Variants in LDLRAD3 observed in about 807,000 individuals in gnomAD.
The protein encoded by LDLRAD3 is low-density lipoprotein receptor class A domain-containing protein 3.
Under a neutral mutation model 29.4 loss-of-function variants are expected in LDLRAD3, and 20 were observed. That is an observed-to-expected ratio of 0.68 (90% CI 0.48 to 0.99). The LOEUF is 0.99. Among genes scored for constraint, LDLRAD3 ranks in the 50% least tolerant of loss-of-function variants. The pLI is 0.00. For missense variants in LDLRAD3, 420 were observed against 454.3 expected, an observed-to-expected ratio of 0.92 and a Z score of 0.69; for synonymous variants, 157 against 192.7, an observed-to-expected ratio of 0.81 and a Z score of 1.53.
intron 1 of LDLRAD3, among the ~76,000 whole-genome samples, chr11:35,987,788 A>C (rs994670847): frequency 1.1e-4 from 17 of 152,132 alleles, no homozygotes; most frequent in African/African-American, 4.1e-4. Context: ...TGGTAATGAG[A>C]TTGCTGGGTC....
At chr11:36,208,362 C>T (rs924523207) in intron 4 of LDLRAD3, among the ~76,000 whole-genome samples, 5 of 152,304 alleles carry the variant, frequency 3.3e-5, no homozygotes, top group East Asian at 1.9e-4. Context: ...GATCAAGGCG[C>T]GAGCAGGTTC....
rs1248449766 is a variant in LDLRAD3 at position 35,944,602 on chromosome 11, G to A, written c.46+458G>A. On this transcript the variant is annotated intron_variant, in intron 1 of 5. Coordinates refer to ENST00000315571, the MANE Select transcript of LDLRAD3 (RefSeq NM_174902.4). The surrounding 1 kb of genome is among the most constrained non-coding windows in gnomAD (Gnocchi z 4.9). The stretch of plus-strand genomic sequence containing the variant: ...CTGGGCCTCTTCCCGAGTCTCTGGC[G>A]TGCACTCCGTGCCTCAGTTTCCCCA... Among the ~76,000 whole-genome samples the A allele has an allele frequency of 1.3e-5, 2 of 152,110 alleles. No individual in the cohort carries two copies. Among genetic ancestry groups the A allele is most frequent in the African/African-American group, 2.4e-5 (1 of 41,434 alleles).
At chr11:36,154,830 C>A (rs1205552297) in intron 4 of LDLRAD3, among the ~76,000 whole-genome samples, 1 of 152,192 alleles carries the variant, frequency 6.6e-6, no homozygotes, top group Non-Finnish European at 1.5e-5. Flanking sequence ...CATGGACAAA[C>A]CAACCACCAG....
At chr11:36,184,256 T>C (rs12271981) in intron 4 of LDLRAD3, 7,337 of 153,560 alleles carry the variant, frequency 0.048, 576 homozygotes, top group African/African-American at 0.16. Flanking sequence ...TGAGCCACTG[T>C]GTCCAGTCTT....
chr11:36,200,781 C>G (rs1855116289), intron 4 of LDLRAD3, among the ~76,000 whole-genome samples: 1 of 152,168 alleles, frequency 6.6e-6, no homozygotes, highest in South Asian at 2.1e-4. Context: ...AGTAAGTGTT[C>G]TTCTATCAAT....
intron 4 of LDLRAD3, among the ~76,000 whole-genome samples, chr11:36,160,708 T>C (rs1435270258): frequency 6.6e-6 from 1 of 151,812 alleles, no homozygotes; most frequent in Non-Finnish European, 1.5e-5. Flanking sequence ...TATTTTCACA[T>C]AGAAGAAATC....
intron 4 of LDLRAD3, among the ~76,000 whole-genome samples, chr11:36,153,113 G>T (rs558085479): frequency 6.6e-6 from 1 of 152,012 alleles, no homozygotes. Context: ...CAACAAAGGG[G>T]TTAGTAACAC....
At chr11:36,014,658 G>A (rs1050172250) in intron 1 of LDLRAD3, among the ~76,000 whole-genome samples, 1 of 152,138 alleles carries the variant, frequency 6.6e-6, no homozygotes, top group African/African-American at 2.4e-5. Context: ...TCTGGGCAGT[G>A]GTGATGACAG....
intron 1 of LDLRAD3, among the ~76,000 whole-genome samples, chr11:35,959,003 T>C (rs1851242600): frequency 6.6e-6 from 1 of 152,154 alleles, no homozygotes; most frequent in Non-Finnish European, 1.5e-5. Flanking sequence ...GCCTCCAGGC[T>C]CCCAGGCCTT....
At position 36,091,505 on chromosome 11, in the gene LDLRAD3, C is replaced by CAG. The variant is rs550491473; in HGVS notation, c.320-6812_320-6811dup. Among the ~76,000 whole-genome samples, 7 of 152,162 alleles carry CAG rather than the reference C, an allele frequency of 4.6e-5. No homozygotes were observed. The East Asian group carries it at 7.7e-4, about 17-fold the overall frequency. ...TGCCTCCCTCCCTCCCTCCCTCTGC[C>CAG]AGAGAGAGAGACAAGTTCTTTTTCC... On this transcript the variant is annotated intron_variant, in intron 3 of 5. Coordinates refer to ENST00000315571, the MANE Select transcript of LDLRAD3 (RefSeq NM_174902.4).
At chr11:36,188,878 A>G (rs1246455121) in intron 4 of LDLRAD3, among the ~76,000 whole-genome samples, 1 of 152,174 alleles carries the variant, frequency 6.6e-6, no homozygotes, top group Non-Finnish European at 1.5e-5. Context: ...AGTTTATAAA[A>G]GTCTTCTTTG....
chr11:36,190,189 T>G (rs1418018805), intron 4 of LDLRAD3, among the ~76,000 whole-genome samples: 1 of 152,056 alleles, frequency 6.6e-6, no homozygotes, highest in Non-Finnish European at 1.5e-5. Context: ...TACAGAATCC[T>G]TGAAATAAAA....
intron 4 of LDLRAD3, among the ~76,000 whole-genome samples, chr11:36,173,196 T>C (rs1854622615): frequency 6.6e-6 from 1 of 152,146 alleles, no homozygotes; most frequent in South Asian, 2.1e-4. Context: ...TCTTTTTTAT[T>C]ATTATTATGC....
chr11:36,069,764 C>T (rs142249721), intron 2 of LDLRAD3, among the ~76,000 whole-genome samples: 132 of 152,196 alleles, frequency 8.7e-4, no homozygotes, highest in Middle Eastern at 3.4e-3. Flanking sequence ...ACACAGGCGG[C>T]TTGGAACATC....
intron 4 of LDLRAD3, among the ~76,000 whole-genome samples, chr11:36,162,922 A>G (rs1468385500): frequency 6.6e-6 from 1 of 152,184 alleles, no homozygotes; most frequent in East Asian, 1.9e-4. Context: ...TCTGGATCCT[A>G]TCCACAAGGG....
In LDLRAD3 at chr11:36,198,531, T is replaced by C. The variant is rs193271926; in HGVS notation, c.455-28554T>C. On this transcript the variant is annotated intron_variant, in intron 4 of 5. Coordinates refer to ENST00000315571, the MANE Select transcript of LDLRAD3 (RefSeq NM_174902.4). Reference sequence around the variant, plus strand: ...CAACATCCTGAGAGCCAAGAGCCACTGCAGACCTTCCAGCTCAGTTCCGTG... The same window carrying C: ...CAACATCCTGAGAGCCAAGAGCCACCGCAGACCTTCCAGCTCAGTTCCGTG... 1.7e-3 allele frequency among the ~76,000 whole-genome samples: 256 copies of C among 152,338 alleles called. 2 individuals carry two copies. Among genetic ancestry groups the C allele is most frequent in the Admixed American group, 0.014 (217 of 15,306 alleles).
chr11:36,225,743 A>G (rs1194111515), intron 4 of LDLRAD3, among the ~76,000 whole-genome samples: 4 of 151,948 alleles, frequency 2.6e-5, no homozygotes, highest in Non-Finnish European at 5.9e-5. Context: ...CACCTACCCC[A>G]TGGAGTTGTT....
intron 4 of LDLRAD3, among the ~76,000 whole-genome samples, chr11:36,139,786 C>T (rs975555566): frequency 2.6e-5 from 4 of 152,096 alleles, no homozygotes; most frequent in Non-Finnish European, 4.4e-5. Context: ...GAAGGGATAG[C>T]GTGGGAGTGC....
At chr11:36,193,678 C>G (rs1486586110) in intron 4 of LDLRAD3, among the ~76,000 whole-genome samples, 1 of 152,082 alleles carries the variant, frequency 6.6e-6, no homozygotes, top group Non-Finnish European at 1.5e-5. Context: ...GAAATGAAAC[C>G]CACTTCTTTC....
Sources: gnomAD v4.1 joint callset for allele counts (sites outside exome capture counted in the v4.1 genomes callset) on GRCh38, gnomAD v4.1.1 for gene constraint, Gnocchi (gnomAD v3.1) non-coding constraint, MANE v1.5 for transcripts, NCBI Gene and HGNC (gene_info 2026-07-23, HGNC 2026-07-21) for gene names.